The following CIT variants were observed in gnomAD, a reference collection of about 807,000 sequenced individuals.
CIT encodes citron rho-interacting serine/threonine kinase.
CIT carries 79 observed loss-of-function variants against 272.7 expected under a neutral mutation model. The ratio of observed to expected loss-of-function variants is 0.29; its 90% CI spans 0.24 to 0.35. The LOEUF (loss-of-function observed/expected upper bound fraction) is 0.35. Among genes scored for constraint, CIT ranks in the 10% least tolerant of loss-of-function variants. CIT has a pLI of 1.00. For missense variants in CIT, 1,909 were observed against 2,618.3 expected, an observed-to-expected ratio of 0.73 and a Z score of 5.91; for synonymous variants, 948 against 995.6, an observed-to-expected ratio of 0.95 and a Z score of 0.90.
Position 119,710,344 on chromosome 12 carries a change from C to T in CIT, c.4978G>A (p.Val1660Ile), listed in dbSNP as rs778385693. The change falls in exon 39 of 48, where the codon GTC becomes ATC. Residue 1660 changes from valine to isoleucine, a missense_variant. Physicochemically the swap from Val to Ile is conservative, Grantham distance 29. This residue lies in a region of CIT where 780 missense variants were observed against 1,067.2 expected (regional missense o/e 0.73). Coordinates refer to ENST00000392521, the MANE Select transcript of CIT (RefSeq NM_001206999.2). The surrounding 1 kb of genome is among the most constrained non-coding windows in gnomAD (Gnocchi z 5.6). Reference protein sequence around the residue: ...GTEEGLYALNVLKNSLTHVPG... With the variant: ...GTEEGLYALNILKNSLTHVPG... The stretch of plus-strand genomic sequence containing the variant: ...ACATGGGTTAGGGAGTTTTTCAAGA[C>T]ATTCAGGGCGTAGAGCCCTTCCTCG... 4 of 1,614,234 alleles carry T rather than the reference C, an allele frequency of 2.5e-6. No homozygotes were observed. In the South Asian group the frequency reaches 3.3e-5, roughly 13 times the overall value.
chr12:119,690,855 T>C lies in CIT; in HGVS notation c.5883-401A>G, dbSNP rs113050631. ...TAGGTGACTTGCCTGAGCTAATGAG[T>C]GGTAGAGCTGGGATTCCAATAAAGA... is the stretch of plus-strand genomic sequence containing the variant. On this transcript the variant is annotated intron_variant, in intron 46 of 47. Transcript: ENST00000392521. The surrounding 1 kb of genome is among the most constrained non-coding windows in gnomAD (Gnocchi z 6.0). Among the ~76,000 whole-genome samples the C allele has an allele frequency of 0.015, 2,355 of 152,024 alleles. 53 individuals are homozygous for C. The highest frequency in any genetic ancestry group is 0.053 in the African/African-American group (2,179 of 41,464).
At chr12:119,829,354 G>GAGAAGAGAAGAGAAGAGAAT (rs1167039103) in intron 7 of CIT, among the ~76,000 whole-genome samples, 1 of 58,706 alleles carries the variant, frequency 1.7e-5, no homozygotes, top group East Asian at 5.2e-4. Context: ...AAGAAGAGAA[G>GAGAAGAGAAGAGAAGAGAAT]AGAAGAGAAG....
At chr12:119,714,372 C>A in intron 32 of CIT, 38 bp from the exon 33 acceptor site, 1 of 1,608,968 alleles carries the variant, frequency 6.2e-7, no homozygotes, top group South Asian at 1.1e-5. Flanking sequence ...TAGAGTACTG[C>A]AAATGATCCC....
intron 23 of CIT, among the ~76,000 whole-genome samples, chr12:119,744,263 G>C (rs1286786380): frequency 2.2e-4 from 34 of 152,168 alleles, no homozygotes; most frequent in Admixed American, 2.2e-3. Context: ...CAAGAGGAAA[G>C]AGGAGTCAAA....
chr12:119,864,237 CTG>C (rs1170605508), intron 3 of CIT, among the ~76,000 whole-genome samples: 1 of 152,164 alleles, frequency 6.6e-6, no homozygotes, highest in Non-Finnish European at 1.5e-5. Flanking sequence ...AATTCAGCTA[CTG>C]TCAAATTGCC....
chr12:119,803,158 A>G lies in CIT; in HGVS notation c.1295+48T>C, dbSNP rs201504775. The G allele has an allele frequency of 1.6e-4, 166 of 1,016,096 alleles. No homozygotes were observed. The African/African-American group carries it at 2.4e-3, about 15-fold the overall frequency. 62.9% of individuals were successfully genotyped at this position (1,016,096 alleles called of 1,614,324 possible). On this transcript the variant is annotated intron_variant, in intron 10 of 47. Transcript: ENST00000392521. ...CCCCACCACCACCTTTGGCTCCAAAAGCCTTGCATCAATGCAGGTCCCTTT... is the reference window on the plus strand; with the variant it reads ...CCCCACCACCACCTTTGGCTCCAAAGGCCTTGCATCAATGCAGGTCCCTTT...
At chr12:119,696,692 A>G (rs192198746) in intron 46 of CIT, among the ~76,000 whole-genome samples, 2 of 152,114 alleles carry the variant, frequency 1.3e-5, no homozygotes, top group African/African-American at 4.8e-5. Context: ...ACACCTGGCT[A>G]ATTTTTGTAT....
chr12:119,714,610 T>G (rs1957348736), intron 32 of CIT, among the ~76,000 whole-genome samples: 1 of 152,052 alleles, frequency 6.6e-6, no homozygotes, highest in South Asian at 2.1e-4. Flanking sequence ...GTTAGAGAGA[T>G]GTGAATCAAA....
Position 119,862,808 on chromosome 12 carries a change from TAAAAAAAAAA to T in CIT, c.239-5120_239-5111del, listed in dbSNP as rs1157467178. ...CTGGGTGACAGAGCAAGACTCTACCTAAAAAAAAAAAAAAAAAAAAAAAAAAAAAAAAGAA... is the reference window on the plus strand; with the variant it reads ...CTGGGTGACAGAGCAAGACTCTACCTAAAAAAAAAAAAAAAAAAAAAAGAA... On this transcript the variant is annotated intron_variant, in intron 3 of 47. Transcript: ENST00000392521. Among the ~76,000 whole-genome samples, 50 of 10,246 alleles carry T rather than the reference TAAAAAAAAAA, an allele frequency of 4.9e-3. 1 individual carries two copies. The highest frequency in any genetic ancestry group is 0.011 in the African/African-American group (34 of 3,186). The allele number at this position is 10,246 out of a possible 152,430, so 6.7% of individuals were successfully genotyped here.
In CIT at chr12:119,804,097, C is replaced by T. The variant is rs1204074823; in HGVS notation, c.1112-708G>A. On this transcript the variant is annotated intron_variant, in intron 9 of 47. Coordinates refer to ENST00000392521, the MANE Select transcript of CIT (RefSeq NM_001206999.2). This position sits in a 1 kb window ranked among gnomAD's most constrained non-coding sequence, Gnocchi z 5.3. ...AGCACCAGCCAAATAAAGTTCCTAC[C>T]GGTGATCTACAGCACCCCTGCGCGC... is the stretch of plus-strand genomic sequence containing the variant. 4.5e-6 allele frequency: 4 copies of T among 893,440 alleles called. No individual in the cohort carries two copies. The highest frequency in any genetic ancestry group is 5.4e-6 in the Non-Finnish European group (4 of 746,034). The allele number at this position is 893,440 out of a possible 1,614,324, so 55.3% of individuals were successfully genotyped here. A position where few individuals can be genotyped will look rare whatever the true frequency, so the allele number is the denominator to read the frequency against.
Position 119,713,349 on chromosome 12 carries a change from C to A in CIT, c.4488-55G>T. 1 of 1,592,530 alleles carries A rather than the reference C, an allele frequency of 6.3e-7. No individual in the cohort carries two copies. Among genetic ancestry groups the A allele is most frequent in the Middle Eastern group, 1.7e-4 (1 of 6,012 alleles). On this transcript the variant is annotated intron_variant, in intron 34 of 47. Transcript: ENST00000392521. This position sits in a 1 kb window ranked among gnomAD's most constrained non-coding sequence, Gnocchi z 5.2. ...GTCTGAACTCAGAAGAAACATCCGG[C>A]TGGAGGATAGGATGAGGGGGTGGCA...
intron 4 of CIT, among the ~76,000 whole-genome samples, chr12:119,853,618 A>AT (rs1180889498): frequency 1.4e-4 from 22 of 152,150 alleles, no homozygotes. Context: ...ATGTTTTTAC[A>AT]TAGGTTGTCC....
chr12:119,843,187 T>C (rs1387280814), intron 5 of CIT, among the ~76,000 whole-genome samples: 1 of 152,020 alleles, frequency 6.6e-6, no homozygotes, highest in African/African-American at 2.4e-5. Context: ...TTCAGGATGT[T>C]AAGGTAGAAA....
chr12:119,713,498 A>C lies in CIT; in HGVS notation c.4457T>G (p.Leu1486Trp), dbSNP rs1957282067. Reference protein sequence around the residue: ...GLQTKEPSSSLHLEGWMKVPR... With the variant: ...GLQTKEPSSSWHLEGWMKVPR... ...CACCTTCATCCACCCTTCCAGGTGC[A>C]AGCTGCTGCTGGGCTCCTTGGTCTG... The change falls in exon 34 of 48, where the codon TTG (leucine) becomes TGG (tryptophan). Residue 1486 changes from leucine (L) to tryptophan (W), a missense_variant. Transcript: ENST00000392521. This position sits in a 1 kb window ranked among gnomAD's most constrained non-coding sequence, Gnocchi z 5.2. The C allele has an allele frequency of 1.2e-6, 2 of 1,614,058 alleles. No individual in the cohort carries two copies. Among genetic ancestry groups the C allele is most frequent in the Admixed American group, 1.7e-5 (1 of 60,002 alleles).
At chr12:119,757,236 C>T (rs1961111186) in intron 22 of CIT, 135 bp downstream of exon 22, 16 of 1,143,484 alleles carry the variant, frequency 1.4e-5, no homozygotes, top group Non-Finnish European at 2.0e-5. Context: ...ACCCTTTTCT[C>T]CTGCCTCAAG....
chr12:119,738,086 A>C (rs910334884), intron 24 of CIT, among the ~76,000 whole-genome samples: 4 of 152,302 alleles, frequency 2.6e-5, no homozygotes, highest in Admixed American at 6.5e-5. Flanking sequence ...GAAATTGGGG[A>C]AACAGAGATG....
chr12:119,852,868 A>G (rs952534345), intron 4 of CIT, among the ~76,000 whole-genome samples: 2 of 151,992 alleles, frequency 1.3e-5, no homozygotes, highest in Admixed American at 6.6e-5. Flanking sequence ...GTGTGTGTGT[A>G]TATATATTCT....
At chr12:119,833,519 G>T (rs1469449659) in intron 6 of CIT, among the ~76,000 whole-genome samples, 1 of 151,996 alleles carries the variant, frequency 6.6e-6, no homozygotes, top group African/African-American at 2.4e-5. Context: ...ACAAAAATTA[G>T]CTGGGCATGG....
At chr12:119,722,023 A>G (rs542055977) in intron 28 of CIT, among the ~76,000 whole-genome samples, 1 of 151,744 alleles carries the variant, frequency 6.6e-6, no homozygotes, top group South Asian at 2.1e-4. Context: ...GGGGGAAAAG[A>G]AGAAGATCCC....
Sources: gnomAD v4.1 joint callset for allele counts (sites outside exome capture counted in the v4.1 genomes callset) on GRCh38, gnomAD v4.1.1 for gene constraint, gnomAD v4.1.1 regional missense constraint, Gnocchi (gnomAD v3.1) non-coding constraint, MANE v1.5 for transcripts, NCBI Gene and HGNC (gene_info 2026-07-23, HGNC 2026-07-21) for gene names.